CRTAC1: variants seen among roughly 807,000 people sequenced by gnomAD.
CRTAC1 encodes the protein cartilage acidic protein 1, also known as acidic secreted protein in cartilage.
In CRTAC1, 37 loss-of-function variants were observed where a neutral mutation model predicts 67.8. That is an observed-to-expected ratio of 0.55 (90% CI 0.42 to 0.72). The LOEUF (loss-of-function observed/expected upper bound fraction) is 0.72, where lower values mean the gene tolerates loss of function less well. CRTAC1 is among the 30% of genes least tolerant of loss of function. The pLI is 0.00. For missense variants in CRTAC1, 780 were observed against 931.6 expected (o/e 0.84, Z 2.12); for synonymous variants, 348 against 371.0 (o/e 0.94, Z 0.71).
At chr10:97,897,093 A>G (rs1037275374) in intron 8 of CRTAC1, 102 bp from the exon 9 acceptor site, 38 of 799,410 alleles carry the variant, frequency 4.8e-5, no homozygotes, top group Admixed American at 1.2e-4. Context: ...CCGGGTCCCA[A>G]TGTGCATGGG....
At chr10:98,027,937 C>A (rs780849349) in intron 1 of CRTAC1, among the ~76,000 whole-genome samples, 5 of 152,144 alleles carry the variant, frequency 3.3e-5, no homozygotes, top group Admixed American at 6.5e-5. Flanking sequence ...GCCATGTGAC[C>A]TTGGCTTTAT....
At chr10:97,925,689 AGT>A (rs2050903665) in intron 3 of CRTAC1, among the ~76,000 whole-genome samples, 1 of 36,464 alleles carries the variant, frequency 2.7e-5, no homozygotes, top group Non-Finnish European at 5.1e-5. Flanking sequence ...GGTGGGTGAG[AGT>A]GAGTGTGTGG....
intron 1 of CRTAC1, among the ~76,000 whole-genome samples, chr10:98,012,370 ACT>A (rs148523851): frequency 0.18 from 27,117 of 151,656 alleles, 2,494 homozygotes; most frequent in Non-Finnish European, 0.2. Context: ...CCACCCTGAG[ACT>A]CTACCTGCAG....
chr10:97,887,109 G>A (rs146717051), intron 11 of CRTAC1, among the ~76,000 whole-genome samples: 61 of 152,104 alleles, frequency 4.0e-4, no homozygotes, highest in Non-Finnish European at 6.9e-4. Context: ...ACCTAAGCCT[G>A]CAGAACAGCT....
intron 3 of CRTAC1, 47 bp from the exon 4 acceptor site, chr10:97,923,447 C>T (rs1263869835): frequency 6.2e-7 from 1 of 1,612,302 alleles, no homozygotes; most frequent in South Asian, 1.1e-5. Context: ...GGATCAGGGT[C>T]TTGGTTCTGA....
intron 1 of CRTAC1, among the ~76,000 whole-genome samples, chr10:98,017,494 TTG>T (rs1239277751): frequency 1.3e-5 from 2 of 152,110 alleles, no homozygotes; most frequent in African/African-American, 4.8e-5. Flanking sequence ...ATGGGAAAAC[TTG>T]TGTTTCAAGC....
At chr10:97,983,318 GA>G (rs2051928598) in intron 2 of CRTAC1, among the ~76,000 whole-genome samples, 3 of 151,986 alleles carry the variant, frequency 2.0e-5, no homozygotes, top group African/African-American at 7.3e-5. Flanking sequence ...GACAGGTTTA[GA>G]GAGGTTAAAT....
chr10:97,990,887 G>A (rs1193796269), intron 2 of CRTAC1, among the ~76,000 whole-genome samples: 1 of 152,064 alleles, frequency 6.6e-6, no homozygotes, highest in Non-Finnish European at 1.5e-5. Flanking sequence ...TACGTTGCAT[G>A]TCTGTAGACA....
At chr10:97,875,403 C>T (rs1038266715) in intron 14 of CRTAC1, among the ~76,000 whole-genome samples, 1 of 152,212 alleles carries the variant, frequency 6.6e-6, no homozygotes, top group Non-Finnish European at 1.5e-5. Flanking sequence ...CCTCTGGTGG[C>T]CTATTTTTTG....
intron 2 of CRTAC1, among the ~76,000 whole-genome samples, chr10:97,992,966 C>T (rs186768925): frequency 2.9e-4 from 44 of 152,178 alleles, no homozygotes; most frequent in African/African-American, 8.4e-4. Context: ...TGAGGTAATG[C>T]ATATCTTAAT....
rs1037474505 is a variant in CRTAC1, at chr10:97,865,027, G to A, written c.*521C>T. 6.6e-6 allele frequency: 1 copy of A among 152,664 alleles called. No homozygotes were observed. Among genetic ancestry groups the A allele is most frequent in the African/African-American group, 2.4e-5 (1 of 41,462 alleles). 9.5% of individuals were successfully genotyped at this position (152,664 alleles called of 1,614,324 possible). ...ACGTGTTGACAAAGCCCAGTGAGAG[G>A]CACTTGTTTTTATTGAGCCTTTACT... On this transcript the variant is annotated 3_prime_UTR_variant, in exon 15 of 15. Coordinates refer to ENST00000370597, the MANE Select transcript of CRTAC1 (RefSeq NM_018058.7).
intron 2 of CRTAC1, among the ~76,000 whole-genome samples, chr10:97,984,820 A>G (rs1157884342): frequency 6.6e-6 from 1 of 152,336 alleles, no homozygotes; most frequent in East Asian, 1.9e-4. Context: ...ATTGACTGGC[A>G]GGGCTATGGG....
At chr10:97,907,360 G>C (rs1458356116) in intron 6 of CRTAC1, among the ~76,000 whole-genome samples, 3 of 151,976 alleles carry the variant, frequency 2.0e-5, no homozygotes, top group Admixed American at 6.6e-5. Context: ...GGTAGAGAAG[G>C]GGGAGGGCAG....
intron 2 of CRTAC1, among the ~76,000 whole-genome samples, chr10:97,963,487 C>T (rs1465862251): frequency 1.3e-5 from 2 of 152,206 alleles, no homozygotes; most frequent in African/African-American, 4.8e-5. Flanking sequence ...CCGTGATGGT[C>T]TCTTGCCTCC....
At chr10:98,027,150 G>C (rs536037204) in intron 1 of CRTAC1, among the ~76,000 whole-genome samples, 2 of 150,476 alleles carry the variant, frequency 1.3e-5, no homozygotes, top group East Asian at 2.0e-4. Context: ...CTGGGCGACA[G>C]AGCGAGACTC....
chr10:97,950,207 C>T (rs1288206125), intron 2 of CRTAC1, among the ~76,000 whole-genome samples: 1 of 150,492 alleles, frequency 6.6e-6, no homozygotes. Flanking sequence ...TAAACCATGA[C>T]ACAGCTGTTG....
intron 2 of CRTAC1, among the ~76,000 whole-genome samples, chr10:98,010,232 G>A (rs1160284798): frequency 6.6e-6 from 1 of 152,000 alleles, no homozygotes; most frequent in East Asian, 1.9e-4. Flanking sequence ...TAGAGACGGG[G>A]TTTCACCATG....
intron 8 of CRTAC1, among the ~76,000 whole-genome samples, chr10:97,899,641 T>A (rs892575715): frequency 6.6e-6 from 1 of 152,258 alleles, no homozygotes; most frequent in African/African-American, 2.4e-5. Flanking sequence ...TTAGTAAATC[T>A]AGCGCCTTCA....
intron 3 of CRTAC1, among the ~76,000 whole-genome samples, chr10:97,935,884 A>G (rs974195628): frequency 4.6e-5 from 7 of 152,098 alleles, no homozygotes; most frequent in Admixed American, 2.0e-4. Context: ...GAGGGCTCAC[A>G]TTAGGAGGCG....
Sources: gnomAD v4.1 joint callset for allele counts (sites outside exome capture counted in the v4.1 genomes callset) on GRCh38, gnomAD v4.1.1 for gene constraint, MANE v1.5 for transcripts, NCBI Gene and HGNC (gene_info 2026-07-23, HGNC 2026-07-21) for gene names.